The following GDI2 variants were observed in gnomAD, a reference collection of about 807,000 sequenced individuals.
GDI2 encodes GDP dissociation inhibitor 2.
Under a neutral mutation model 54.2 loss-of-function variants are expected in GDI2, and 22 were observed. The observed-to-expected ratio is 0.41, with a 90% CI of 0.29 to 0.58. The LOEUF (loss-of-function observed/expected upper bound fraction) is 0.58, where lower values mean the gene tolerates loss of function less well. Ranked by LOEUF, GDI2 falls within the 20% of genes least tolerant of loss-of-function variation. GDI2 has a pLI of 0.35. For synonymous variants in GDI2, 177 were observed against 182.1 expected, an observed-to-expected ratio of 0.97 and a Z score of 0.23; for missense variants, 422 against 546.0, an observed-to-expected ratio of 0.77 and a Z score of 2.26.
At chr10:5,788,102 T>C (rs1709049543) in intron 4 of GDI2, among the ~76,000 whole-genome samples, 1 of 152,202 alleles carries the variant, frequency 6.6e-6, no homozygotes, top group African/African-American at 2.4e-5. Context: ...CCAGATATAA[T>C]TGTATTACAA....
At chr10:5,779,114 T>C (rs1055404286) in intron 6 of GDI2, among the ~76,000 whole-genome samples, 4 of 152,210 alleles carry the variant, frequency 2.6e-5, no homozygotes, top group Non-Finnish European at 5.9e-5. Context: ...TGTTCAAGAA[T>C]ATGTTCCAGA....
rs1476897551 is a variant in GDI2 at position 5,774,890 on chromosome 10, G to A, written c.720-949C>T. Among the ~76,000 whole-genome samples, 1 of 151,874 alleles carries A rather than the reference G, an allele frequency of 6.6e-6. No homozygotes were observed. Among genetic ancestry groups the A allele is most frequent in the Non-Finnish European group, 1.5e-5 (1 of 67,924 alleles). ...CCATTTCTCTGGATTCACACCCAGG[G>A]GAAGGGGAAGGGCAAGGGCAAGGGC... On this transcript the variant is annotated intron_variant, in intron 6 of 10. Transcript: ENST00000380191. The surrounding 1 kb of genome is among the most constrained non-coding windows in gnomAD (Gnocchi z 4.8).
chr10:5,783,279 C>T (rs1840802733), intron 6 of GDI2, among the ~76,000 whole-genome samples: 1 of 151,246 alleles, frequency 6.6e-6, no homozygotes, highest in African/African-American at 2.4e-5. Context: ...CTTCTGCTCG[C>T]TTCTGGTGTC....
chr10:5,766,042 C>G lies in GDI2; in HGVS notation c.1302G>C (p.Met434Ile), dbSNP rs764049904. The part of the protein sequence containing the change: ...MTGSEFDFEE[M>I]KRKKNDIYGE... ...CATAGATGTCATTCTTCTTGCGCTTCATTTCCTCAAAGTCAAACTCTGATC... is the reference window on the plus strand; with the variant it reads ...CATAGATGTCATTCTTCTTGCGCTTGATTTCCTCAAAGTCAAACTCTGATC... The change falls in exon 11 of 11, where the codon ATG (methionine) becomes ATC (isoleucine). Residue 434 changes from methionine to isoleucine, a missense_variant. By Grantham distance (10) the Met-to-Ile change is conservative. Coordinates refer to ENST00000380191, the MANE Select transcript of GDI2 (RefSeq NM_001494.4). This position sits in a 1 kb window ranked among gnomAD's most constrained non-coding sequence, Gnocchi z 5.8. The G allele has an allele frequency of 1.3e-6, 2 of 1,590,276 alleles. No individual in the cohort carries two copies. The highest frequency in any genetic ancestry group is 1.7e-6 in the Non-Finnish European group (2 of 1,173,664).
Position 5,790,410 on chromosome 10 carries a change from G to A in GDI2, c.389-4360C>T, listed in dbSNP as rs143810846. Among the ~76,000 whole-genome samples, 165 of 152,248 alleles carry A rather than the reference G, an allele frequency of 1.1e-3. 3 individuals are homozygous for A. The East Asian group carries it at 0.022, about 21-fold the overall frequency. On this transcript the variant is annotated intron_variant, in intron 4 of 10. Transcript: ENST00000380191. ...TGTAATCCCAGCACGTTGGGAGAAC[G>A]AGGCAGGTGGATCACCTGAAATCAG...
At chr10:5,773,973 A>ATAT (rs1840557968) in intron 6 of GDI2, 32 bp from the exon 7 acceptor site, 1 of 889,774 alleles carries the variant, frequency 1.1e-6, no homozygotes, top group African/African-American at 1.7e-5. Flanking sequence ...AATTAATAAT[A>ATAT]TATAGTTGTT....
intron 6 of GDI2, among the ~76,000 whole-genome samples, chr10:5,783,006 C>G (rs947468519): frequency 1.3e-5 from 2 of 152,090 alleles, no homozygotes; most frequent in African/African-American, 2.4e-5. Flanking sequence ...CAAATGAGAA[C>G]ATATTGTATT....
intron 1 of GDI2, 85 bp from the exon 2 acceptor site, chr10:5,800,790 T>A: frequency 2.6e-6 from 2 of 769,150 alleles, no homozygotes; most frequent in Non-Finnish European, 2.4e-6. Flanking sequence ...CCATTACACA[T>A]TCTCTTAGTA....
Position 5,766,329 on chromosome 10 carries a change from G to A in GDI2, c.1137-34C>T, listed in dbSNP as rs374547929. ...AGAGAGAATTCAGTCAGGTGAGCTG[G>A]TCCCACACCTGACCATGGCTCTGCC... is the stretch of plus-strand genomic sequence containing the variant. On this transcript the variant is annotated intron_variant, in intron 9 of 10. Transcript: ENST00000380191. The surrounding 1 kb of genome is among the most constrained non-coding windows in gnomAD (Gnocchi z 5.8). The A allele has an allele frequency of 2.6e-6, 4 of 1,552,250 alleles. No individual in the cohort carries two copies. Among genetic ancestry groups the A allele is most frequent in the South Asian group, 2.2e-5 (2 of 89,900 alleles).
intron 6 of GDI2, among the ~76,000 whole-genome samples, chr10:5,780,782 T>C (rs372450711): frequency 1.3e-5 from 2 of 152,134 alleles, no homozygotes; most frequent in East Asian, 1.9e-4. Flanking sequence ...TGGAGAACAA[T>C]CATATTTATG....
At chr10:5,780,415 A>T (rs1840730067) in intron 6 of GDI2, among the ~76,000 whole-genome samples, 1 of 152,178 alleles carries the variant, frequency 6.6e-6, no homozygotes, top group Non-Finnish European at 1.5e-5. Flanking sequence ...GGAAGTCCTA[A>T]CAAGTGCAAT....
At chr10:5,805,039 GGA>G (rs1841346422) in intron 1 of GDI2, among the ~76,000 whole-genome samples, 1 of 151,956 alleles carries the variant, frequency 6.6e-6, no homozygotes, top group Non-Finnish European at 1.5e-5. Context: ...TCACCATCTT[GGA>G]CAGGCTGGTC....
At chr10:5,772,307 C>G (rs1187878547) in intron 7 of GDI2, among the ~76,000 whole-genome samples, 2 of 152,214 alleles carry the variant, frequency 1.3e-5, no homozygotes, top group African/African-American at 4.8e-5. Context: ...TTAGCATTAA[C>G]AAAACCTAGT....
rs116689930 is a variant in GDI2, at chr10:5,782,588, G to A, written c.719+2554C>T. Among the ~76,000 whole-genome samples the A allele has an allele frequency of 5.0e-3, 753 of 152,034 alleles. 8 individuals are homozygous for A. Among genetic ancestry groups the A allele is most frequent in the African/African-American group, 0.017 (722 of 41,456 alleles). On this transcript the variant is annotated intron_variant, in intron 6 of 10. Transcript: ENST00000380191. Reference sequence around the variant, plus strand: ...AAACTAACTAGATGTCCACCAAAAGGAGAATTATATGCTCATATAATTCAT... The same window carrying A: ...AAACTAACTAGATGTCCACCAAAAGAAGAATTATATGCTCATATAATTCAT...
chr10:5,769,707 T>C (rs1259527540), intron 7 of GDI2, among the ~76,000 whole-genome samples: 2 of 152,198 alleles, frequency 1.3e-5, no homozygotes, highest in African/African-American at 4.8e-5. Flanking sequence ...TCACAACCGT[T>C]AAGATTGCTA....
At chr10:5,777,014 A>T (rs980607065) in intron 6 of GDI2, among the ~76,000 whole-genome samples, 1 of 152,228 alleles carries the variant, frequency 6.6e-6, no homozygotes, top group African/African-American at 2.4e-5. Flanking sequence ...AGGACTTGGC[A>T]AACAGTCACT....
Position 5,776,289 on chromosome 10 carries a change from A to T in GDI2, c.720-2348T>A. 1 of 552,738 alleles carries T rather than the reference A, an allele frequency of 1.8e-6. No homozygotes were observed. The highest frequency in any genetic ancestry group is 3.4e-6 in the Non-Finnish European group (1 of 295,988). The allele number at this position is 552,738 out of a possible 1,614,324, so 34.2% of individuals were successfully genotyped here. A position where few individuals can be genotyped will look rare whatever the true frequency, so the allele number is the denominator to read the frequency against. On this transcript the variant is annotated intron_variant, in intron 6 of 10. Coordinates refer to ENST00000380191, the MANE Select transcript of GDI2 (RefSeq NM_001494.4). This position sits in a 1 kb window ranked among gnomAD's most constrained non-coding sequence, Gnocchi z 5.3. ...AAAAGGGCCCAGCGTGAAAAGACTG[A>T]AAGCCCAGCAGAACATAGGATGTAG...
intron 1 of GDI2, among the ~76,000 whole-genome samples, chr10:5,801,952 G>A (rs1841278247): frequency 6.6e-6 from 1 of 152,086 alleles, no homozygotes; most frequent in Non-Finnish European, 1.5e-5. Flanking sequence ...AGGCTGCTGT[G>A]AGCTGAGACC....
chr10:5,766,534 T>C lies in GDI2; in HGVS notation c.1096A>G (p.Ile366Val). The change falls in exon 9 of 11, where the codon ATC becomes GTC. Residue 366 changes from isoleucine (I) to valine (V), a missense_variant. Transcript: ENST00000380191. The surrounding 1 kb of genome is among the most constrained non-coding windows in gnomAD (Gnocchi z 5.8). ...TVETKEPEKEIRPALELLEPI... is the reference protein window; with the variant it reads ...TVETKEPEKEVRPALELLEPI... Reference sequence around the variant, plus strand: ...TCCAAGAGCTCCAAAGCTGGTCTGATTTCCTTCTCAGGCTCCTTGGTTTCC... The same window carrying C: ...TCCAAGAGCTCCAAAGCTGGTCTGACTTCCTTCTCAGGCTCCTTGGTTTCC... The C allele has an allele frequency of 6.2e-7, 1 of 1,613,996 alleles. No homozygotes were observed. Among genetic ancestry groups the C allele is most frequent in the Non-Finnish European group, 8.5e-7 (1 of 1,179,966 alleles).
Sources: allele counts gnomAD v4.1 joint callset (sites outside exome capture counted in the v4.1 genomes callset), GRCh38; gene constraint gnomAD v4.1.1; non-coding constraint Gnocchi (gnomAD v3.1); transcripts MANE v1.5; gene names NCBI Gene and HGNC (gene_info 2026-07-23, HGNC 2026-07-21).